Variants in GRIP1 observed in about 807,000 individuals in gnomAD.
The protein encoded by GRIP1 is glutamate receptor-interacting protein 1.
A neutral mutation model predicts 129.9 loss-of-function variants in GRIP1; 45 were observed. The ratio of observed to expected loss-of-function variants is 0.35; its 90% CI spans 0.27 to 0.44. The LOEUF is 0.44. Among genes scored for constraint, GRIP1 ranks in the 20% least tolerant of loss-of-function variants. The pLI is 1.00. For synonymous variants in GRIP1, 530 were observed against 520.8 expected, an observed-to-expected ratio of 1.02 and a Z score of -0.24; for missense variants, 1,196 against 1,396.8, an observed-to-expected ratio of 0.86 and a Z score of 2.29.
chr12:66,973,263 CA>C (rs35110194), intron 1 of GRIP1, among the ~76,000 whole-genome samples: 23,311 of 150,718 alleles, frequency 0.15, 1,912 homozygotes, highest in Admixed American at 0.18. Context: ...TTAATACAAA[CA>C]AAAAAAACCC....
chr12:66,474,449 C>T (rs1454451851), intron 7 of GRIP1, among the ~76,000 whole-genome samples: 2 of 152,086 alleles, frequency 1.3e-5, no homozygotes, highest in Non-Finnish European at 2.9e-5. Flanking sequence ...CAAGGCAGGC[C>T]AACATTCAAA....
Position 66,921,090 on chromosome 12 carries a change from A to G in GRIP1, c.58+147960T>C, listed in dbSNP as rs565518210. ...ACCATTAGAGGCAGGTGATACGTGA[A>G]CCATTGTTACCAGTCATGAGACAGC... is the stretch of plus-strand genomic sequence containing the variant. On this transcript the variant is annotated intron_variant, in intron 1 of 1. Coordinates refer to the GRIP1 transcript ENST00000643019. 2.6e-5 allele frequency among the ~76,000 whole-genome samples: 4 copies of G among 152,276 alleles called. No individual in the cohort carries two copies. In the South Asian group the frequency reaches 8.3e-4, roughly 32 times the overall value.
chr12:66,354,301 C>A (rs2054375090), intron 23 of GRIP1, among the ~76,000 whole-genome samples: 1 of 152,158 alleles, frequency 6.6e-6, no homozygotes, highest in African/African-American at 2.4e-5. Flanking sequence ...CACTCCTTCA[C>A]CTGACCACCT....
intron 7 of GRIP1, among the ~76,000 whole-genome samples, chr12:66,513,196 T>C (rs1233081805): frequency 1.3e-5 from 2 of 152,158 alleles, no homozygotes; most frequent in Non-Finnish European, 2.9e-5. Flanking sequence ...TATTATCCCA[T>C]GTTAATATCA....
At chr12:66,998,906 C>A (rs975839430) in intron 1 of GRIP1, among the ~76,000 whole-genome samples, 1 of 152,068 alleles carries the variant, frequency 6.6e-6, no homozygotes, top group South Asian at 2.1e-4. Flanking sequence ...TTAAAAAGTA[C>A]GAGCATTTGA....
intron 15 of GRIP1, among the ~76,000 whole-genome samples, chr12:66,416,700 T>C (rs1477551723): frequency 1.3e-5 from 2 of 152,140 alleles, no homozygotes; most frequent in African/African-American, 4.8e-5. Flanking sequence ...GTACTAACAT[T>C]GAACTATGAT....
chr12:66,739,577 C>G (rs948074236), intron 1 of GRIP1, among the ~76,000 whole-genome samples: 1 of 151,846 alleles, frequency 6.6e-6, no homozygotes, highest in Non-Finnish European at 1.5e-5. Context: ...CTCCATGGTG[C>G]GGGGGCAGGG....
At chr12:66,955,798 C>T (rs1028362745) in intron 1 of GRIP1, among the ~76,000 whole-genome samples, 2 of 152,170 alleles carry the variant, frequency 1.3e-5, no homozygotes, top group African/African-American at 4.8e-5. Context: ...TGAGCCACTG[C>T]ACCCTGCCTA....
At chr12:66,571,600 G>A (rs2139506650) in intron 2 of GRIP1, among the ~76,000 whole-genome samples, 1 of 152,072 alleles carries the variant, frequency 6.6e-6, no homozygotes, top group Non-Finnish European at 1.5e-5. Flanking sequence ...AAAGCACAAT[G>A]CCCTATTGAT....
At chr12:66,483,635 T>C (rs910212118) in intron 7 of GRIP1, among the ~76,000 whole-genome samples, 1 of 152,208 alleles carries the variant, frequency 6.6e-6, no homozygotes, top group Non-Finnish European at 1.5e-5. Flanking sequence ...ATGACAGATT[T>C]TTTTGGTACC....
At chr12:66,646,124 C>T (rs150419833) in intron 1 of GRIP1, among the ~76,000 whole-genome samples, 9 of 152,256 alleles carry the variant, frequency 5.9e-5, no homozygotes, top group Non-Finnish European at 1.0e-4. Context: ...AAAAAAGGTA[C>T]GTTAAGTTTT....
intron 1 of GRIP1, among the ~76,000 whole-genome samples, chr12:66,688,133 A>G (rs927552618): frequency 6.6e-6 from 1 of 152,144 alleles, no homozygotes; most frequent in South Asian, 2.1e-4. Context: ...AATACACCGG[A>G]CTTAGTTACT....
chr12:66,979,252 A>AAAAAAAAAAAAAAAAAAAAAC (rs772753895), intron 1 of GRIP1, among the ~76,000 whole-genome samples: 2 of 110,162 alleles, frequency 1.8e-5, no homozygotes, highest in Non-Finnish European at 3.6e-5. Flanking sequence ...AAAAAAAAAA[A>AAAAAAAAAAAAAAAAAAAAAC]AACAAGCCCG....
chr12:66,575,711 C>T (rs923984675), intron 2 of GRIP1, among the ~76,000 whole-genome samples: 50 of 152,224 alleles, frequency 3.3e-4, no homozygotes, highest in African/African-American at 1.2e-3. Flanking sequence ...TCTGTAGTCC[C>T]AAATAAGAAG....
intron 2 of GRIP1, among the ~76,000 whole-genome samples, chr12:66,587,314 C>G (rs1253409352): frequency 6.6e-6 from 1 of 152,254 alleles, no homozygotes. Flanking sequence ...AAGTCACCAG[C>G]TCATGGAGGC....
At chr12:66,549,971 G>A (rs534788880) in intron 2 of GRIP1, among the ~76,000 whole-genome samples, 29 of 152,216 alleles carry the variant, frequency 1.9e-4, no homozygotes, top group Non-Finnish European at 4.0e-4. Context: ...TATGGGTCAG[G>A]ATTCTTTTAA....
chr12:66,383,100 C>G (rs1592734146), intron 19 of GRIP1, among the ~76,000 whole-genome samples: 1 of 152,150 alleles, frequency 6.6e-6, no homozygotes, highest in East Asian at 1.9e-4. Context: ...AGTTCGAGAC[C>G]AGCCTGGCCA....
At chr12:67,018,600 T>C (rs2042821587) in intron 1 of GRIP1, among the ~76,000 whole-genome samples, 1 of 152,116 alleles carries the variant, frequency 6.6e-6, no homozygotes, top group Non-Finnish European at 1.5e-5. Flanking sequence ...ATATTACTTC[T>C]TGTGTCAGGT....
chr12:66,817,262 C>CTATTTCATTTTAAAGCG (rs1195662871), intron 1 of GRIP1, among the ~76,000 whole-genome samples: 2 of 151,214 alleles, frequency 1.3e-5, no homozygotes, highest in African/African-American at 4.9e-5. Flanking sequence ...TTCCCACGGA[C>CTATTTCATTTTAAAGCG]TATTTCATTT....
Sources: allele counts gnomAD v4.1 joint callset (sites outside exome capture counted in the v4.1 genomes callset), GRCh38; gene constraint gnomAD v4.1.1; transcripts MANE v1.5; gene names NCBI Gene and HGNC (gene_info 2026-07-23, HGNC 2026-07-21).